Variants in TMEM132B observed in about 807,000 individuals in gnomAD.
TMEM132B encodes the protein transmembrane protein 132B.
A neutral mutation model predicts 90.8 loss-of-function variants in TMEM132B; 18 were observed. The ratio of observed to expected loss-of-function variants is 0.20; its 90% CI spans 0.14 to 0.29. The LOEUF is 0.29. TMEM132B is among the 10% of genes least tolerant of loss of function. The pLI, the probability that TMEM132B is intolerant of heterozygous loss-of-function variation, is 1.00. For synonymous variants in TMEM132B, 504 were observed against 523.3 expected, an observed-to-expected ratio of 0.96 and a Z score of 0.50; for missense variants, 1,096 against 1,326.8, an observed-to-expected ratio of 0.83 and a Z score of 2.70.
At chr12:125,640,112 G>A (rs1886592226) in intron 5 of TMEM132B, among the ~76,000 whole-genome samples, 1 of 152,158 alleles carries the variant, frequency 6.6e-6, no homozygotes, top group Admixed American at 6.5e-5. Flanking sequence ...CGAGGAGGAG[G>A]CGCCACTTTC....
chr12:125,571,201 T>G (rs1884786119), intron 4 of TMEM132B, among the ~76,000 whole-genome samples: 2 of 152,152 alleles, frequency 1.3e-5, no homozygotes, highest in African/African-American at 2.4e-5. Flanking sequence ...TCAAATGTTT[T>G]TGCTCCCATC....
intron 7 of TMEM132B, among the ~76,000 whole-genome samples, chr12:125,651,553 A>G (rs1007158675): frequency 9.2e-5 from 14 of 152,222 alleles, no homozygotes; most frequent in Non-Finnish European, 1.8e-4. Flanking sequence ...AGCCAAAGCT[A>G]TATTTTTGGC....
chr12:125,188,880 AAG>A (rs1195075590), intron 1 of TMEM132B, among the ~76,000 whole-genome samples: 2 of 151,908 alleles, frequency 1.3e-5, no homozygotes, highest in Non-Finnish European at 2.9e-5. Flanking sequence ...AAAAGAAAAA[AAG>A]AAATTCCTGA....
At chr12:125,322,816 G>A (rs1876464901) in intron 1 of TMEM132B, among the ~76,000 whole-genome samples, 1 of 152,038 alleles carries the variant, frequency 6.6e-6, no homozygotes, top group South Asian at 2.1e-4. Context: ...AACATGATTA[G>A]CATTTCCCCC....
chr12:125,497,280 T>C (rs1172704790), intron 3 of TMEM132B, among the ~76,000 whole-genome samples: 1 of 152,242 alleles, frequency 6.6e-6, no homozygotes, highest in Admixed American at 6.5e-5. Context: ...AGTGATGCTC[T>C]CAATTATTTT....
rs1877487029 is a variant in TMEM132B, at chr12:125,349,585, G to A, written c.201G>A (p.Arg67=). Reference sequence around the variant, plus strand: ...AAGAAGCCAACCAAGACCTCACAAGGAACTCCAGTCTGCAGGCCCGGGTGG... The same window carrying A: ...AAGAAGCCAACCAAGACCTCACAAGAAACTCCAGTCTGCAGGCCCGGGTGG... ...FLKEANQDLT[R]NSSLQARVEP... is the part of the protein sequence containing the mutation. Residue 67 remains arginine, a synonymous_variant, in exon 2 of 9, where the codon AGG becomes AGA. Coordinates refer to ENST00000682704, the MANE Select transcript of TMEM132B (RefSeq NM_001366854.1). This position sits in a 1 kb window ranked among gnomAD's most constrained non-coding sequence, Gnocchi z 4.1. 1.2e-6 allele frequency: 2 copies of A among 1,614,044 alleles called. No individual in the cohort carries two copies. Among genetic ancestry groups the A allele is most frequent in the Non-Finnish European group, 1.7e-6 (2 of 1,180,016 alleles).
intron 2 of TMEM132B, among the ~76,000 whole-genome samples, chr12:125,399,483 A>ATGTGTGTGTG (rs1555246075): frequency 4.3e-5 from 3 of 69,852 alleles, no homozygotes; most frequent in African/African-American, 1.3e-4. Context: ...GTGTGTGTGT[A>ATGTGTGTGTG]TGTGTGTGTG....
At chr12:125,357,808 AC>A (rs1222123888) in intron 2 of TMEM132B, among the ~76,000 whole-genome samples, 2 of 152,148 alleles carry the variant, frequency 1.3e-5, no homozygotes, top group African/African-American at 4.8e-5. Context: ...GTGCATCAGA[AC>A]CATCTGCAGA....
intron 4 of TMEM132B, among the ~76,000 whole-genome samples, chr12:125,575,078 A>ATATATATATATATATATATATATATC (rs1311570495): frequency 9.2e-6 from 1 of 108,966 alleles, no homozygotes; most frequent in African/African-American, 3.4e-5. Flanking sequence ...ATATATATAT[A>ATATATATATATATATATATATATATC]TATATTCAGG....
intron 2 of TMEM132B, among the ~76,000 whole-genome samples, chr12:125,404,114 C>T (rs146252064): frequency 7.2e-4 from 110 of 152,216 alleles, no homozygotes; most frequent in African/African-American, 2.5e-3. Flanking sequence ...AACATTTGAA[C>T]GTCTATAGTG....
rs180737352 is a variant in TMEM132B at position 125,221,466 on chromosome 12, G to A, written c.67+34600G>A. 2.4e-3 allele frequency among the ~76,000 whole-genome samples: 370 copies of A among 152,236 alleles called. 1 individual carries two copies. The highest frequency in any genetic ancestry group is 8.4e-3 in the African/African-American group (348 of 41,548). On this transcript the variant is annotated intron_variant, in intron 1 of 8. Transcript: ENST00000682704. The stretch of plus-strand genomic sequence containing the variant: ...GGCTCATGACTATATCCAGGCCCCC[G>A]AAAAATGTTTGAGATCTGAAAAAGT...
intron 3 of TMEM132B, among the ~76,000 whole-genome samples, chr12:125,454,392 T>TTTG (rs1566041169): frequency 1.8e-5 from 2 of 111,974 alleles, no homozygotes; most frequent in East Asian, 3.3e-4. Flanking sequence ...GTGTGTGTGT[T>TTTG]TGTGTGTGTG....
At chr12:125,310,888 A>G (rs1159951729) in intron 1 of TMEM132B, among the ~76,000 whole-genome samples, 2 of 152,234 alleles carry the variant, frequency 1.3e-5, no homozygotes, top group African/African-American at 4.8e-5. Context: ...GCACAGGCTG[A>G]GCAATTATAG....
chr12:125,403,550 C>T (rs1239036082), intron 2 of TMEM132B, among the ~76,000 whole-genome samples: 2 of 152,160 alleles, frequency 1.3e-5, no homozygotes, highest in Non-Finnish European at 2.9e-5. Flanking sequence ...TTCTCTAAAA[C>T]AAACTTAATG....
At chr12:125,455,306 T>A (rs775644836) in intron 3 of TMEM132B, among the ~76,000 whole-genome samples, 1 of 152,160 alleles carries the variant, frequency 6.6e-6, no homozygotes, top group Non-Finnish European at 1.5e-5. Context: ...ACCGAGGGGC[T>A]TAGTTCGAGG....
At chr12:125,547,802 G>A (rs1371789575) in intron 4 of TMEM132B, among the ~76,000 whole-genome samples, 1 of 152,132 alleles carries the variant, frequency 6.6e-6, no homozygotes, top group Non-Finnish European at 1.5e-5. Context: ...GGCTCCAGGT[G>A]CCCAGCAGTG....
At chr12:125,365,693 GT>G (rs1469545580) in intron 2 of TMEM132B, among the ~76,000 whole-genome samples, 2 of 151,634 alleles carry the variant, frequency 1.3e-5, no homozygotes, top group Non-Finnish European at 1.5e-5. Flanking sequence ...TGAGTTGGCA[GT>G]TTTTTTCTTT....
In TMEM132B at chr12:125,235,802, C is replaced by CTTTTT. The variant is rs61643412; in HGVS notation, c.67+48952_67+48956dup. ...TGTAATGTTTATCAGCACTTCATTCCTTTTTTTTTTTTTTTTTTTTGGAGA... is the reference window on the plus strand; with the variant it reads ...TGTAATGTTTATCAGCACTTCATTCCTTTTTTTTTTTTTTTTTTTTTTTTTGGAGA... On this transcript the variant is annotated intron_variant, in intron 1 of 8. Coordinates refer to ENST00000682704, the MANE Select transcript of TMEM132B (RefSeq NM_001366854.1). Among the ~76,000 whole-genome samples, 14 of 107,392 alleles carry CTTTTT rather than the reference C, an allele frequency of 1.3e-4. 1 individual carries two copies. Among genetic ancestry groups the CTTTTT allele is most frequent in the South Asian group, 3.2e-4 (1 of 3,114 alleles). The allele number at this position is 107,392 out of a possible 152,430, so 70.5% of individuals were successfully genotyped here.
At chr12:125,511,589 G>A (rs1882978721) in intron 3 of TMEM132B, among the ~76,000 whole-genome samples, 1 of 151,990 alleles carries the variant, frequency 6.6e-6, no homozygotes, top group African/African-American at 2.4e-5. Flanking sequence ...GGTGGCTCAC[G>A]CCTGTAATCC....
Sources: allele counts gnomAD v4.1 joint callset (sites outside exome capture counted in the v4.1 genomes callset), GRCh38; gene constraint gnomAD v4.1.1; non-coding constraint Gnocchi (gnomAD v3.1); transcripts MANE v1.5; gene names NCBI Gene and HGNC (gene_info 2026-07-23, HGNC 2026-07-21).